Variants in SLC36A3 observed in about 807,000 individuals in gnomAD.
SLC36A3 encodes solute carrier family 36 member 3.
Under a neutral mutation model 44.3 loss-of-function variants are expected in SLC36A3, and 35 were observed. The observed-to-expected ratio is 0.79, with a 90% CI of 0.60 to 1.05. The LOEUF is 1.05. Among genes scored for constraint, SLC36A3 ranks in the 50% least tolerant of loss-of-function variants. SLC36A3 has a pLI of 0.00. For synonymous variants in SLC36A3, 211 were observed against 227.6 expected, an observed-to-expected ratio of 0.93 and a Z score of 0.66; for missense variants, 540 against 578.7, an observed-to-expected ratio of 0.93 and a Z score of 0.69.
At chr5:151,301,980 A>G (rs1162463975) in intron 1 of SLC36A3, among the ~76,000 whole-genome samples, 2 of 152,246 alleles carry the variant, frequency 1.3e-5, no homozygotes, top group Admixed American at 1.3e-4. Flanking sequence ...ATTTCATTAT[A>G]CTTTAAAGAA....
chr5:151,298,529 C>A, intron 2 of SLC36A3, 64 bp downstream of exon 2: 1 of 1,534,302 alleles, frequency 6.5e-7, no homozygotes, highest in South Asian at 1.1e-5. Flanking sequence ...TGAAGGCCTT[C>A]AGGACCTATC....
intron 2 of SLC36A3, 23 bp downstream of exon 2, chr5:151,298,570 C>A: frequency 6.2e-7 from 1 of 1,612,860 alleles, no homozygotes; most frequent in African/African-American, 1.3e-5. Flanking sequence ...AAACCTAGTT[C>A]CCATCCCACA....
intron 6 of SLC36A3, among the ~76,000 whole-genome samples, chr5:151,285,338 G>A (rs1297653813): frequency 1.3e-5 from 2 of 152,132 alleles, no homozygotes; most frequent in Admixed American, 6.5e-5. Flanking sequence ...CTGGGAGCCC[G>A]CTCATCTCTA....
At chr5:151,291,989 T>C (rs1754773520) in intron 4 of SLC36A3, among the ~76,000 whole-genome samples, 1 of 152,090 alleles carries the variant, frequency 6.6e-6, no homozygotes, top group African/African-American at 2.4e-5. Flanking sequence ...GTCTCCTGAG[T>C]AGCTGGGATT....
chr5:151,287,006 C>T (rs246500), intron 6 of SLC36A3, among the ~76,000 whole-genome samples: 106,423 of 151,970 alleles, frequency 0.7, 39,106 homozygotes, highest in East Asian at 0.98. Context: ...GTTGAATGAC[C>T]CATTATTATC....
chr5:151,277,823 A>G (rs1754153681), intron 9 of SLC36A3, among the ~76,000 whole-genome samples, 162 bp from the exon 10 acceptor site: 1 of 152,186 alleles, frequency 6.6e-6, no homozygotes, highest in Non-Finnish European at 1.5e-5. Flanking sequence ...CCCTGTCTTA[A>G]CTAGTAATAT....
chr5:151,277,591 G>A lies in SLC36A3; in HGVS notation c.1215C>T (p.Ala405=), dbSNP rs2127249833. The A allele has an allele frequency of 6.2e-7, 1 of 1,614,194 alleles. No homozygotes were observed. Among genetic ancestry groups the A allele is most frequent in the Non-Finnish European group, 8.5e-7 (1 of 1,180,034 alleles). ...ISLVGSVSSS[A]LALIIPALLE... ...GGAGGGCTGGGATGATGAGAGCCAG[G>A]GCGCTGCTGCTCACGGAGCCTACCA... The change falls in exon 10 of 10, where the codon GCC becomes GCT. Residue 405 remains alanine, a synonymous_variant. Transcript: ENST00000335230.
intron 2 of SLC36A3, chr5:151,296,522 T>G: frequency 3.8e-6 from 2 of 529,046 alleles, no homozygotes. Flanking sequence ...ACATAGCCCA[T>G]GCATTTTCTC....
At chr5:151,296,628 C>T (rs1272442224) in intron 2 of SLC36A3, 1 of 284,664 alleles carries the variant, frequency 3.5e-6, no homozygotes, top group Non-Finnish European at 6.6e-6. Context: ...GATTGAGGGC[C>T]AAGGTGTTCT....
At chr5:151,300,906 A>C (rs985479609) in intron 1 of SLC36A3, among the ~76,000 whole-genome samples, 16 of 152,242 alleles carry the variant, frequency 1.1e-4, no homozygotes, top group Non-Finnish European at 2.2e-4. Context: ...TGGATCCTCA[A>C]CTAATTTTCT....
intron 8 of SLC36A3, 83 bp from the exon 9 acceptor site, chr5:151,281,266 G>A (rs1167589004): frequency 2.2e-6 from 3 of 1,390,954 alleles, no homozygotes; most frequent in Non-Finnish European, 2.9e-6. Flanking sequence ...TCAGAAGCTG[G>A]TATGGGTTGA....
intron 6 of SLC36A3, among the ~76,000 whole-genome samples, chr5:151,286,360 A>G (rs1240440310): frequency 6.6e-6 from 1 of 152,182 alleles, no homozygotes; most frequent in Non-Finnish European, 1.5e-5. Flanking sequence ...TGGTGTGATC[A>G]TAGCTTACTG....
chr5:151,278,007 T>C (rs60286746), intron 9 of SLC36A3, among the ~76,000 whole-genome samples: 12,076 of 152,122 alleles, frequency 0.079, 1,349 homozygotes, highest in African/African-American at 0.25. Context: ...AGATGAGAAT[T>C]CACTGGGATG....
At chr5:151,287,491 T>C (rs774796371) in intron 5 of SLC36A3, 27 bp from the exon 6 acceptor site, 4 of 1,607,384 alleles carry the variant, frequency 2.5e-6, no homozygotes, top group African/African-American at 1.3e-5. Context: ...TGACAGGCAG[T>C]GTGGTTGCTA....
intron 3 of SLC36A3, among the ~76,000 whole-genome samples, chr5:151,293,952 C>T (rs1360375598): frequency 6.6e-6 from 1 of 152,244 alleles, no homozygotes; most frequent in Non-Finnish European, 1.5e-5. Context: ...TTGCCATGTC[C>T]CTCTTTCTCA....
chr5:151,284,665 G>A lies in SLC36A3; in HGVS notation c.755C>T (p.Thr252Ile). 2 of 1,613,528 alleles carry A rather than the reference G, an allele frequency of 1.2e-6. No homozygotes were observed. Among genetic ancestry groups the A allele is most frequent in the South Asian group, 1.1e-5 (1 of 90,978 alleles). Residue 252 changes from threonine (T) to isoleucine (I), a missense_variant, in exon 7 of 10, where the codon ACC becomes ATC. Physicochemically the swap from Thr to Ile is moderately conservative, Grantham distance 89. Transcript: ENST00000335230. ...GGCTGTACCAAAGAACAGCAAGAAG[G>A]TCTTCCAGTTTGCCATCAAGGGTAG... ...SNLPLMANWK[T>I]FLLFFGTAIF...
At chr5:151,298,297 T>C (rs529065422) in intron 2 of SLC36A3, 3 of 302,528 alleles carry the variant, frequency 9.9e-6, no homozygotes, top group Non-Finnish European at 1.9e-5. Flanking sequence ...GGGCTGTTAA[T>C]GCAAATGACG....
intron 4 of SLC36A3, among the ~76,000 whole-genome samples, chr5:151,292,142 T>C (rs1754782552): frequency 6.6e-6 from 1 of 152,178 alleles, no homozygotes; most frequent in Admixed American, 6.5e-5. Flanking sequence ...ATTACAGGCG[T>C]GAGCCACCAC....
intron 4 of SLC36A3, 96 bp downstream of exon 4, chr5:151,293,268 A>G: frequency 1.9e-6 from 2 of 1,041,244 alleles, no homozygotes; most frequent in East Asian, 2.6e-5. Flanking sequence ...ATAGTTTACA[A>G]TAAGAGCATA....
Sources: allele counts gnomAD v4.1 joint callset (sites outside exome capture counted in the v4.1 genomes callset), GRCh38; gene constraint gnomAD v4.1.1; transcripts MANE v1.5; gene names NCBI Gene and HGNC (gene_info 2026-07-23, HGNC 2026-07-21).